The following FAT3 variants were observed in gnomAD, a reference collection of about 807,000 sequenced individuals.
FAT3 encodes protocadherin Fat 3.
In FAT3, 95 loss-of-function variants were observed where a neutral mutation model predicts 310.2. That is an observed-to-expected ratio of 0.31 (90% confidence interval 0.26 to 0.36). The LOEUF is 0.36. FAT3 is among the 10% of genes least tolerant of loss of function. The pLI, the probability that FAT3 is intolerant of heterozygous loss-of-function variation, is 1.00. For missense variants in FAT3, 5,408 were observed against 5,715.6 expected, an observed-to-expected ratio of 0.95 and a Z score of 1.74; for synonymous variants, 2,314 against 2,192.9, an observed-to-expected ratio of 1.06 and a Z score of -1.54.
intron 9 of FAT3, among the ~76,000 whole-genome samples, chr11:92,795,290 C>T (rs1399247728): frequency 6.6e-6 from 1 of 151,992 alleles, no homozygotes; most frequent in East Asian, 1.9e-4. Context: ...TTTACCTCTC[C>T]TCTCAATCAT....
chr11:92,525,013 C>T, intron 3 of FAT3, 65 bp downstream of exon 3: 2 of 1,303,092 alleles, frequency 1.5e-6, no homozygotes, highest in Non-Finnish European at 1.1e-6. Context: ...ATCAGCCTGA[C>T]ACTTTCTGTA....
intron 4 of FAT3, among the ~76,000 whole-genome samples, chr11:92,732,063 G>A (rs948720028): frequency 6.6e-6 from 1 of 151,822 alleles, no homozygotes; most frequent in African/African-American, 2.4e-5. Context: ...TTTTTCCACT[G>A]GTTTTATTTT....
chr11:92,791,759 C>T (rs1256824976), intron 8 of FAT3, among the ~76,000 whole-genome samples: 2 of 152,132 alleles, frequency 1.3e-5, no homozygotes, highest in East Asian at 3.9e-4. Context: ...GCCAAGTGCA[C>T]ATATTTGATT....
At chr11:92,710,140 C>T (rs552403911) in intron 4 of FAT3, among the ~76,000 whole-genome samples, 1 of 152,116 alleles carries the variant, frequency 6.6e-6, no homozygotes, top group Non-Finnish European at 1.5e-5. Context: ...TGCATAAGTA[C>T]TCATTAGTAG....
At chr11:92,231,898 G>A (rs1054231692) in intron 1 of FAT3, among the ~76,000 whole-genome samples, 1 of 151,488 alleles carries the variant, frequency 6.6e-6, no homozygotes, top group Non-Finnish European at 1.5e-5. Flanking sequence ...GGATCAGCTT[G>A]GTCTTTTTTG....
intron 3 of FAT3, among the ~76,000 whole-genome samples, chr11:92,531,319 A>G (rs992892675): frequency 3.3e-5 from 5 of 152,218 alleles, no homozygotes; most frequent in African/African-American, 9.6e-5. Context: ...ATGAACAAGG[A>G]CAAAGGGAAC....
intron 3 of FAT3, among the ~76,000 whole-genome samples, chr11:92,526,673 T>C (rs140438474): frequency 3.3e-4 from 51 of 152,354 alleles, no homozygotes; most frequent in African/African-American, 1.2e-3. Flanking sequence ...TTCTTTTATA[T>C]GGCTTTTAAA....
chr11:92,414,055 A>G (rs1035033382), intron 2 of FAT3, among the ~76,000 whole-genome samples: 2 of 152,090 alleles, frequency 1.3e-5, no homozygotes, highest in Non-Finnish European at 2.9e-5. Context: ...GTGCTGCCTT[A>G]TGCGCCCTTC....
chr11:92,655,955 A>T (rs1036138784), intron 3 of FAT3, among the ~76,000 whole-genome samples: 14 of 152,176 alleles, frequency 9.2e-5, no homozygotes, highest in African/African-American at 2.7e-4. Flanking sequence ...ACTGAAACTT[A>T]AGCTACTGGA....
intron 3 of FAT3, among the ~76,000 whole-genome samples, chr11:92,620,788 G>C (rs1941051186): frequency 6.6e-6 from 1 of 152,020 alleles, no homozygotes; most frequent in African/African-American, 2.4e-5. Context: ...CTCTGATGTG[G>C]GTGACTTAAG....
chr11:92,241,799 C>T (rs766977943), intron 1 of FAT3, among the ~76,000 whole-genome samples: 1 of 151,528 alleles, frequency 6.6e-6, no homozygotes, highest in Non-Finnish European at 1.5e-5. Flanking sequence ...AAAAAAAATC[C>T]CATTTGAATG....
chr11:92,798,525 A>G lies in FAT3; in HGVS notation c.5512A>G (p.Asn1838Asp). Residue 1838 changes from asparagine to aspartate, a missense_variant, in exon 10 of 28, where the codon AAC (asparagine) becomes GAC (aspartate). Physicochemically the swap from Asn to Asp is conservative, Grantham distance 23. Around this residue, in one of 5 missense-constraint regions of FAT3, gnomAD observed 4,588 missense variants for 4,809.8 expected, o/e 0.95. Transcript: ENST00000525166. ...TACAGGTGCAATCAGAACAATTGCC[A>G]ACCTGGACCATGAAACCATTGCCCA... ...SSTGAIRTIA[N>D]LDHETIAHFH... 6.2e-7 allele frequency: 1 copy of G among 1,613,844 alleles called. No homozygotes were observed. The highest frequency in any genetic ancestry group is 8.5e-7 in the Non-Finnish European group (1 of 1,179,826).
chr11:92,787,484 G>T (rs1946924588), intron 7 of FAT3, among the ~76,000 whole-genome samples: 1 of 151,824 alleles, frequency 6.6e-6, no homozygotes, highest in Non-Finnish European at 1.5e-5. Context: ...ACACAGAGAA[G>T]AACTATTCTA....
chr11:92,310,961 A>T (rs938120825), intron 1 of FAT3, among the ~76,000 whole-genome samples: 17 of 151,732 alleles, frequency 1.1e-4, no homozygotes, highest in Non-Finnish European at 2.2e-4. Flanking sequence ...ATTTTTATTT[A>T]AAAAACTTTT....
chr11:92,730,147 G>A (rs539896594), intron 4 of FAT3, among the ~76,000 whole-genome samples: 3 of 152,104 alleles, frequency 2.0e-5, no homozygotes, highest in East Asian at 3.9e-4. Flanking sequence ...ACCAGCCTTG[G>A]CAACATACTG....
intron 2 of FAT3, among the ~76,000 whole-genome samples, chr11:92,358,505 C>T (rs367614668): frequency 1.3e-5 from 2 of 151,484 alleles, no homozygotes; most frequent in East Asian, 2.0e-4. Context: ...TCTTAGAAAA[C>T]ACAACTGGGT....
At chr11:92,888,663 G>A (rs1176243994) in intron 25 of FAT3, among the ~76,000 whole-genome samples, 1 of 152,164 alleles carries the variant, frequency 6.6e-6, no homozygotes. Context: ...ACACTTTACT[G>A]GTGGGAGCTA....
chr11:92,464,096 C>T (rs1951703830), intron 2 of FAT3, among the ~76,000 whole-genome samples: 1 of 152,174 alleles, frequency 6.6e-6, no homozygotes, highest in Non-Finnish European at 1.5e-5. Context: ...TTGAGGTTTG[C>T]AGCCAGAAGT....
chr11:92,679,774 G>A (rs536614220), intron 3 of FAT3, among the ~76,000 whole-genome samples: 35 of 140,236 alleles, frequency 2.5e-4, no homozygotes, highest in Admixed American at 2.2e-3. Flanking sequence ...CCCGGGAGGC[G>A]GAGTTTGCAG....
Sources: allele counts gnomAD v4.1 joint callset (sites outside exome capture counted in the v4.1 genomes callset), GRCh38; gene constraint gnomAD v4.1.1; regional missense constraint gnomAD v4.1.1; transcripts MANE v1.5; gene names NCBI Gene and HGNC (gene_info 2026-07-23, HGNC 2026-07-21).